Variants in ARMH4 observed in about 807,000 individuals in gnomAD.
The protein encoded by ARMH4 is armadillo like helical domain containing 4, also known as armadillo-like helical domain-containing protein 4.
In ARMH4, 49 loss-of-function variants were observed where a neutral mutation model predicts 61.9. The observed-to-expected ratio is 0.79, with a 90% CI of 0.63 to 1.00. The LOEUF is 1.00. Ranked by LOEUF, ARMH4 falls within the 50% of genes least tolerant of loss-of-function variation. The pLI, the probability that ARMH4 is intolerant of heterozygous loss-of-function variation, is 0.00. For synonymous variants in ARMH4, 368 were observed against 341.5 expected (o/e 1.08, Z -0.85); for missense variants, 934 against 930.0 (o/e 1.00, Z -0.06).
At chr14:58,142,446 T>G (rs112976309) in intron 1 of ARMH4, among the ~76,000 whole-genome samples, 10,499 of 147,596 alleles carry the variant, frequency 0.071, 460 homozygotes, top group Middle Eastern at 0.14. Flanking sequence ...TTCCTCCTTT[T>G]TTTGTTTCTT....
intron 4 of ARMH4, among the ~76,000 whole-genome samples, chr14:58,118,708 A>C (rs1886619118): frequency 6.6e-6 from 1 of 152,190 alleles, no homozygotes; most frequent in African/African-American, 2.4e-5. Flanking sequence ...AAGATCAGAG[A>C]GAAATTTGTA....
At chr14:58,030,838 A>T (rs1883202956) in intron 5 of ARMH4, among the ~76,000 whole-genome samples, 1 of 152,184 alleles carries the variant, frequency 6.6e-6, no homozygotes, top group East Asian at 1.9e-4. Flanking sequence ...TTATGGATGA[A>T]TAATATTCCT....
chr14:58,053,883 T>C (rs1450950043), intron 5 of ARMH4, among the ~76,000 whole-genome samples: 1 of 152,152 alleles, frequency 6.6e-6, no homozygotes, highest in East Asian at 1.9e-4. Flanking sequence ...GGTCTTTACG[T>C]CATGTTTTTC....
chr14:58,114,621 C>T (rs901663261), intron 4 of ARMH4, among the ~76,000 whole-genome samples: 2 of 152,148 alleles, frequency 1.3e-5, no homozygotes, highest in African/African-American at 2.4e-5. Context: ...ATAGGTCCAA[C>T]GAGCTGAGTG....
chr14:58,008,451 G>C (rs1202959461), intron 6 of ARMH4, among the ~76,000 whole-genome samples: 1 of 152,068 alleles, frequency 6.6e-6, no homozygotes, highest in Non-Finnish European at 1.5e-5. Context: ...AAATATACTT[G>C]TTTTTGTTTG....
intron 5 of ARMH4, among the ~76,000 whole-genome samples, chr14:58,053,930 T>C (rs1172912410): frequency 2.6e-5 from 4 of 152,184 alleles, no homozygotes; most frequent in African/African-American, 9.7e-5. Flanking sequence ...AAATATTCTA[T>C]CACATGCTGG....
intron 5 of ARMH4, among the ~76,000 whole-genome samples, chr14:58,081,365 T>C (rs1349659542): frequency 6.6e-6 from 1 of 152,164 alleles, no homozygotes; most frequent in African/African-American, 2.4e-5. Flanking sequence ...CTGTGCTTGC[T>C]TTCTCCAAAG....
chr14:58,005,004 A>C, intron 7 of ARMH4, 44 bp downstream of exon 7: 1 of 1,612,104 alleles, frequency 6.2e-7, no homozygotes, highest in Non-Finnish European at 8.5e-7. Flanking sequence ...ATAAGCAAAG[A>C]ATGTTCTGAA....
chr14:58,040,980 G>T (rs1244384299), intron 5 of ARMH4, among the ~76,000 whole-genome samples: 1 of 152,170 alleles, frequency 6.6e-6, no homozygotes, highest in Non-Finnish European at 1.5e-5. Context: ...ATGGTCAGGG[G>T]GCGGTTCCAA....
chr14:58,047,597 G>A (rs1776006224), intron 5 of ARMH4, among the ~76,000 whole-genome samples: 2 of 152,146 alleles, frequency 1.3e-5, no homozygotes, highest in Non-Finnish European at 1.5e-5. Context: ...GGCAGACCTG[G>A]GATTTGAACC....
intron 6 of ARMH4, among the ~76,000 whole-genome samples, chr14:58,010,670 G>C (rs552087885): frequency 6.6e-6 from 1 of 152,008 alleles, no homozygotes; most frequent in Admixed American, 6.6e-5. Context: ...CCAAGATTTT[G>C]AGACAAGATA....
At chr14:58,144,658 G>A (rs1210102162) in intron 1 of ARMH4, among the ~76,000 whole-genome samples, 2 of 152,212 alleles carry the variant, frequency 1.3e-5, no homozygotes, top group African/African-American at 4.8e-5. Flanking sequence ...ACGAGGCCAG[G>A]AGATTGAGAC....
chr14:58,073,693 T>C (rs897634916), intron 5 of ARMH4, among the ~76,000 whole-genome samples: 11 of 152,252 alleles, frequency 7.2e-5, no homozygotes, highest in African/African-American at 2.7e-4. Flanking sequence ...TGACTACTAC[T>C]AGCTCAATGG....
chr14:58,139,540 G>T, intron 1 of ARMH4, 126 bp from the exon 2 acceptor site: 1 of 620,516 alleles, frequency 1.6e-6, no homozygotes, highest in Non-Finnish European at 2.8e-6. Flanking sequence ...AGGTAGGAGA[G>T]GACTGTTCTA....
chr14:58,103,422 A>G (rs1768486506), intron 4 of ARMH4, among the ~76,000 whole-genome samples: 1 of 152,228 alleles, frequency 6.6e-6, no homozygotes, highest in African/African-American at 2.4e-5. Context: ...ACGCAGCAAG[A>G]AGACCCTTGC....
intron 5 of ARMH4, among the ~76,000 whole-genome samples, chr14:58,040,203 C>T (rs1883639479): frequency 6.6e-6 from 1 of 151,780 alleles, no homozygotes. Context: ...GGTACATGAG[C>T]AGGTTTGTTA....
intron 6 of ARMH4, among the ~76,000 whole-genome samples, chr14:58,009,085 A>G (rs1313961662): frequency 6.6e-6 from 1 of 152,180 alleles, no homozygotes; most frequent in African/African-American, 2.4e-5. Flanking sequence ...TTCAATATCC[A>G]TTCTTTTCTT....
At chr14:58,049,043 C>T (rs1465279594) in intron 5 of ARMH4, among the ~76,000 whole-genome samples, 1 of 151,990 alleles carries the variant, frequency 6.6e-6, no homozygotes, top group Non-Finnish European at 1.5e-5. Flanking sequence ...CGAGACCATC[C>T]TGGCTAACAT....
intron 2 of ARMH4, among the ~76,000 whole-genome samples, chr14:58,134,237 C>T (rs1305256480): frequency 6.6e-6 from 1 of 152,122 alleles, no homozygotes; most frequent in African/African-American, 2.4e-5. Flanking sequence ...CTAACTATGC[C>T]CAAGGAACAC....
Sources: allele counts gnomAD v4.1 joint callset (sites outside exome capture counted in the v4.1 genomes callset), GRCh38; gene constraint gnomAD v4.1.1; transcripts MANE v1.5; gene names NCBI Gene and HGNC (gene_info 2026-07-23, HGNC 2026-07-21).